The following WWP2 variants were observed in gnomAD, a reference collection of about 807,000 sequenced individuals.
WWP2 encodes WW domain containing E3 ubiquitin protein ligase 2, also known as NEDD4-like E3 ubiquitin-protein ligase WWP2.
Under a neutral mutation model 121.0 loss-of-function variants are expected in WWP2, and 57 were observed. That is an observed-to-expected ratio of 0.47 (90% CI 0.38 to 0.59). The LOEUF (loss-of-function observed/expected upper bound fraction) is 0.59, where lower values mean the gene tolerates loss of function less well. Among genes scored for constraint, WWP2 ranks in the 20% least tolerant of loss-of-function variants. The probability of loss-of-function intolerance (pLI) is 0.00; values close to 1 mark genes in which losing one functional copy is unlikely to be tolerated. For missense variants in WWP2, 962 were observed against 1,158.9 expected (o/e 0.83, Z 2.47); for synonymous variants, 449 against 441.3 (o/e 1.02, Z -0.22).
intron 6 of WWP2, among the ~76,000 whole-genome samples, chr16:69,849,234 T>G (rs1448601131): frequency 2.0e-5 from 3 of 150,996 alleles, no homozygotes; most frequent in Non-Finnish European, 4.4e-5. Context: ...GGAGGAGGGG[T>G]GGAGGGTGGA....
chr16:69,773,415 G>A (rs2151770793), intron 1 of WWP2, among the ~76,000 whole-genome samples: 1 of 152,222 alleles, frequency 6.6e-6, no homozygotes, highest in African/African-American at 2.4e-5. Flanking sequence ...TTGACCTCAT[G>A]TGGTCCACCC....
At chr16:69,848,405 G>A (rs770384015) in intron 6 of WWP2, among the ~76,000 whole-genome samples, 2 of 151,720 alleles carry the variant, frequency 1.3e-5, no homozygotes, top group Admixed American at 6.6e-5. Context: ...AGCCCAGATC[G>A]TGCCATTGCA....
chr16:69,891,096 C>T (rs1220786854), intron 8 of WWP2, among the ~76,000 whole-genome samples: 1 of 152,122 alleles, frequency 6.6e-6, no homozygotes, highest in African/African-American at 2.4e-5. Flanking sequence ...TCGTCAGCCA[C>T]CTACCTGGAG....
At position 69,937,615 on chromosome 16, in the gene WWP2, A is replaced by G; in HGVS notation, c.2306A>G (p.Tyr769Cys). ...CAGAAGAGCACCATCTACCGGCACT[A>G]CACCAAGAACAGCAAGCAGATCCAG... Reference protein sequence around the residue: ...DWQKSTIYRHYTKNSKQIQWF... With the variant: ...DWQKSTIYRHCTKNSKQIQWF... Residue 769 changes from tyrosine to cysteine, a missense_variant, in exon 21 of 24, where the codon TAC becomes TGC. This residue lies in a region of WWP2 where 606 missense variants were observed against 772.6 expected (regional missense o/e 0.78). Transcript: ENST00000359154. This position sits in a 1 kb window ranked among gnomAD's most constrained non-coding sequence, Gnocchi z 6.6. 2 of 1,613,878 alleles carry G rather than the reference A, an allele frequency of 1.2e-6. No homozygotes were observed. Among genetic ancestry groups the G allele is most frequent in the Non-Finnish European group, 1.7e-6 (2 of 1,179,976 alleles).
intron 4 of WWP2, among the ~76,000 whole-genome samples, chr16:69,828,191 G>C (rs1211476285): frequency 6.6e-6 from 1 of 152,020 alleles, no homozygotes; most frequent in Non-Finnish European, 1.5e-5. Context: ...GTACTGAAAT[G>C]AGGACATGAG....
chr16:69,855,045 T>G (rs565152091), intron 6 of WWP2, among the ~76,000 whole-genome samples: 5 of 151,678 alleles, frequency 3.3e-5, no homozygotes, highest in African/African-American at 1.2e-4. Flanking sequence ...TTTGTAGAGA[T>G]AAGGTCTCCC....
At chr16:69,888,709 CT>C (rs112484554) in intron 8 of WWP2, among the ~76,000 whole-genome samples, 304 of 144,036 alleles carry the variant, frequency 2.1e-3, no homozygotes, top group Middle Eastern at 3.5e-3. Context: ...TCTTGCCATC[CT>C]TTTTTTTTTT....
At chr16:69,852,711 A>G (rs932577237) in intron 6 of WWP2, among the ~76,000 whole-genome samples, 1 of 152,068 alleles carries the variant, frequency 6.6e-6, no homozygotes, top group Non-Finnish European at 1.5e-5. Context: ...CATTTTTTGT[A>G]TATTTTGGAT....
At chr16:69,911,161 T>C (rs1023340239) in intron 9 of WWP2, among the ~76,000 whole-genome samples, 10 of 152,200 alleles carry the variant, frequency 6.6e-5, no homozygotes, top group Non-Finnish European at 1.2e-4. Context: ...GGGAGCAAGA[T>C]TGAACCACCG....
At chr16:69,878,592 C>G (rs1229163181) in intron 7 of WWP2, among the ~76,000 whole-genome samples, 4 of 152,154 alleles carry the variant, frequency 2.6e-5, no homozygotes, top group Admixed American at 2.0e-4. Context: ...CAACTCCTGG[C>G]TTGGATCGAT....
chr16:69,821,388 G>A (rs1207078059), intron 4 of WWP2, among the ~76,000 whole-genome samples: 1 of 152,182 alleles, frequency 6.6e-6, no homozygotes, highest in East Asian at 1.9e-4. Context: ...GCCCTGCAAC[G>A]AATGTTCCAA....
intron 11 of WWP2, among the ~76,000 whole-genome samples, chr16:69,927,281 C>G (rs2058653423): frequency 6.6e-6 from 1 of 152,088 alleles, no homozygotes; most frequent in Non-Finnish European, 1.5e-5. Flanking sequence ...AACAGCCAGA[C>G]CAAGTGAGAG....
chr16:69,891,472 A>G (rs932525897), intron 8 of WWP2, among the ~76,000 whole-genome samples: 6 of 152,192 alleles, frequency 3.9e-5, no homozygotes, highest in Admixed American at 3.3e-4. Flanking sequence ...TTGAGTATCT[A>G]CTAGTGCCCA....
At chr16:69,837,050 A>G (rs774181341) in intron 4 of WWP2, among the ~76,000 whole-genome samples, 1 of 152,044 alleles carries the variant, frequency 6.6e-6, no homozygotes, top group African/African-American at 2.4e-5. Flanking sequence ...CTGCCTCCTC[A>G]GTATCTGGGA....
At chr16:69,884,550 C>G (rs1288716055) in intron 7 of WWP2, among the ~76,000 whole-genome samples, 1 of 152,144 alleles carries the variant, frequency 6.6e-6, no homozygotes, top group Non-Finnish European at 1.5e-5. Flanking sequence ...ATTGCTTGAG[C>G]CTGGGAGGTC....
intron 4 of WWP2, among the ~76,000 whole-genome samples, chr16:69,803,664 C>A (rs2056218484): frequency 6.6e-6 from 1 of 152,100 alleles, no homozygotes; most frequent in African/African-American, 2.4e-5. Context: ...AATCCCAGAC[C>A]TGGGAGGCGG....
intron 7 of WWP2, among the ~76,000 whole-genome samples, chr16:69,872,378 G>C (rs902559695): frequency 2.6e-5 from 4 of 152,118 alleles, no homozygotes; most frequent in Admixed American, 2.6e-4. Context: ...TGCCACGCCC[G>C]GCTAATTTTT....
chr16:69,902,954 C>A (rs1015107943), intron 8 of WWP2, among the ~76,000 whole-genome samples: 1 of 152,074 alleles, frequency 6.6e-6, no homozygotes, highest in Non-Finnish European at 1.5e-5. Flanking sequence ...GGGAGGCAGG[C>A]CAGGTCATGG....
intron 1 of WWP2, among the ~76,000 whole-genome samples, chr16:69,776,933 A>C (rs939279421): frequency 1.3e-5 from 2 of 152,198 alleles, no homozygotes. Flanking sequence ...GTGTTTGTTT[A>C]ATCTAAAACC....
Sources: allele counts gnomAD v4.1 joint callset (sites outside exome capture counted in the v4.1 genomes callset), GRCh38; gene constraint gnomAD v4.1.1; regional missense constraint gnomAD v4.1.1; non-coding constraint Gnocchi (gnomAD v3.1); transcripts MANE v1.5; gene names NCBI Gene and HGNC (gene_info 2026-07-23, HGNC 2026-07-21).